GPHN: variants seen among roughly 807,000 people sequenced by gnomAD.
The protein encoded by GPHN is gephyrin.
In GPHN, 17 loss-of-function variants were observed where a neutral mutation model predicts 95.5. The observed-to-expected ratio is 0.18, with a 90% CI of 0.12 to 0.27. The LOEUF is 0.27. GPHN is among the 10% of genes least tolerant of loss of function. The pLI is 1.00. For missense variants in GPHN, 660 were observed against 978.1 expected (o/e 0.67, Z 4.34); for synonymous variants, 320 against 322.5 (o/e 0.99, Z 0.08).
At chr14:67,193,588 T>C in the GPHN span, among the ~76,000 whole-genome samples, 1 of 143,562 alleles carries the variant, frequency 7.0e-6, no homozygotes, top group Non-Finnish European at 1.5e-5. Flanking sequence ...TATATAGATA[T>C]AGATATATAT....
chr14:67,200,481 G>GT, the GPHN span: 2 of 383,154 alleles, frequency 5.2e-6, no homozygotes, highest in East Asian at 1.0e-4. Flanking sequence ...TCCACAGGAG[G>GT]TATTTCTTTT....
At chr14:66,692,044 G>T (rs189762099) in intron 2 of GPHN, among the ~76,000 whole-genome samples, 7 of 152,150 alleles carry the variant, frequency 4.6e-5, no homozygotes, top group Non-Finnish European at 7.4e-5. Flanking sequence ...GTGAGCAAAT[G>T]TTTGTTTTTC....
At chr14:67,551,043 C>G in the GPHN span, among the ~76,000 whole-genome samples, 1 of 152,158 alleles carries the variant, frequency 6.6e-6, no homozygotes, top group African/African-American at 2.4e-5. Context: ...ATACACACAG[C>G]CCTACACAGA....
the GPHN span, among the ~76,000 whole-genome samples, chr14:67,516,653 C>T: frequency 6.7e-4 from 102 of 152,334 alleles, no homozygotes; most frequent in African/African-American, 2.3e-3. Context: ...GGCCGTAGGT[C>T]TTCCATCAAC....
At chr14:66,818,758 G>T (rs142625854) in intron 3 of GPHN, among the ~76,000 whole-genome samples, 3 of 152,202 alleles carry the variant, frequency 2.0e-5, no homozygotes, top group African/African-American at 7.2e-5. Flanking sequence ...AACCTTGCCA[G>T]TATCTGTTAT....
the GPHN span, among the ~76,000 whole-genome samples, chr14:67,558,208 C>G: frequency 1.3e-5 from 2 of 152,172 alleles, no homozygotes; most frequent in African/African-American, 4.8e-5. Context: ...CCTTACCTAC[C>G]CAGCTTTCCC....
At chr14:66,903,220 G>A (rs1176019058) in intron 5 of GPHN, among the ~76,000 whole-genome samples, 1 of 152,064 alleles carries the variant, frequency 6.6e-6, no homozygotes, top group Non-Finnish European at 1.5e-5. Flanking sequence ...TACTATTATT[G>A]TATTGCAGTT....
chr14:67,621,088 C>G, the GPHN span: 25 of 895,672 alleles, frequency 2.8e-5, no homozygotes, highest in East Asian at 6.5e-4. Flanking sequence ...CATCCCGCAT[C>G]CTCCTTTGGA....
intron 21 of GPHN, among the ~76,000 whole-genome samples, chr14:67,174,330 G>A (rs2082787873): frequency 6.6e-6 from 1 of 151,438 alleles, no homozygotes; most frequent in Non-Finnish European, 1.5e-5. Context: ...AACACACGGT[G>A]TTTGGTTTTC....
chr14:66,854,127 C>G (rs990683111), intron 4 of GPHN, among the ~76,000 whole-genome samples: 4 of 152,134 alleles, frequency 2.6e-5, no homozygotes, highest in Non-Finnish European at 5.9e-5. Context: ...AGTCCCTTAA[C>G]CCGAATATTT....
At chr14:67,626,254 AG>A in the GPHN span, among the ~76,000 whole-genome samples, 1 of 150,014 alleles carries the variant, frequency 6.7e-6, no homozygotes, top group African/African-American at 2.4e-5. Context: ...ACTCTGTCTC[AG>A]GGGAAAAAAA....
At chr14:67,409,726 C>T in the GPHN span, among the ~76,000 whole-genome samples, 3 of 152,172 alleles carry the variant, frequency 2.0e-5, no homozygotes, top group East Asian at 1.9e-4. Context: ...TCGCTTTCAC[C>T]GGTGATGACT....
At chr14:67,143,275 G>A (rs1293453778) in intron 17 of GPHN, 87 bp from the exon 18 acceptor site, 3 of 828,638 alleles carry the variant, frequency 3.6e-6, no homozygotes, top group African/African-American at 1.7e-5. Context: ...ATGCCTATTA[G>A]TGAATAAGGC....
At chr14:66,726,506 T>G (rs974635241) in intron 2 of GPHN, among the ~76,000 whole-genome samples, 2 of 152,216 alleles carry the variant, frequency 1.3e-5, no homozygotes, top group Non-Finnish European at 2.9e-5. Flanking sequence ...TAGAGCAGTC[T>G]TCTTCTAGGG....
intron 3 of GPHN, among the ~76,000 whole-genome samples, chr14:66,782,120 A>G (rs2059627283): frequency 6.6e-6 from 1 of 152,156 alleles, no homozygotes; most frequent in Non-Finnish European, 1.5e-5. Flanking sequence ...TTTCCAGCCC[A>G]TGGGAAAAAT....
chr14:66,749,239 C>T (rs1489827006), intron 2 of GPHN, among the ~76,000 whole-genome samples: 6 of 151,934 alleles, frequency 3.9e-5, no homozygotes, highest in Non-Finnish European at 8.8e-5. Flanking sequence ...ATCATCCACT[C>T]ACCTACTGAA....
chr14:67,536,989 G>A, the GPHN span, among the ~76,000 whole-genome samples: 20 of 151,232 alleles, frequency 1.3e-4, no homozygotes, highest in Non-Finnish European at 2.9e-5. Context: ...GCAGTGAGCC[G>A]AGATTGCACC....
the GPHN span, among the ~76,000 whole-genome samples, chr14:67,618,875 T>C: frequency 1.3e-5 from 2 of 152,246 alleles, no homozygotes; most frequent in Non-Finnish European, 2.9e-5. Flanking sequence ...TTTGGAGTTA[T>C]GGTGTTGCCA....
intron 13 of GPHN, among the ~76,000 whole-genome samples, chr14:67,103,511 C>CTTTTTTTTTTTTTTTTTTTTTTTTT: frequency 3.7e-5 from 2 of 53,396 alleles, no homozygotes. Context: ...GTTTCTTTCT[C>CTTTTTTTTTTTTTTTTTTTTTTTTT]TTTTTTTTTT....
Sources: allele counts gnomAD v4.1 joint callset (sites outside exome capture counted in the v4.1 genomes callset), GRCh38; gene constraint gnomAD v4.1.1; transcripts MANE v1.5; gene names NCBI Gene and HGNC (gene_info 2026-07-23, HGNC 2026-07-21).